The following GRM8 variants were observed in gnomAD, a reference collection of about 807,000 sequenced individuals.
The protein encoded by GRM8 is glutamate metabotropic receptor 8, also known as metabotropic glutamate receptor 8.
In GRM8, 47 loss-of-function variants were observed where a neutral mutation model predicts 87.2. The observed-to-expected ratio is 0.54, with a 90% CI of 0.43 to 0.69. The LOEUF (loss-of-function observed/expected upper bound fraction) is 0.69, where lower values mean the gene tolerates loss of function less well. Ranked by LOEUF, GRM8 falls within the 30% of genes least tolerant of loss-of-function variation. The probability of loss-of-function intolerance (pLI) is 0.00; values close to 1 mark genes in which losing one functional copy is unlikely to be tolerated. For missense variants in GRM8, 1,019 were observed against 1,139.2 expected (o/e 0.89, Z 1.52); for synonymous variants, 396 against 404.5 (o/e 0.98, Z 0.25).
intron 7 of GRM8, among the ~76,000 whole-genome samples, chr7:126,732,301 A>G (rs1330810448): frequency 6.6e-6 from 1 of 152,160 alleles, no homozygotes; most frequent in Non-Finnish European, 1.5e-5. Context: ...AGGCCCATTA[A>G]GAAATTATGT....
intron 6 of GRM8, among the ~76,000 whole-genome samples, chr7:126,871,724 A>C (rs1185320943): frequency 3.3e-5 from 5 of 152,198 alleles, no homozygotes; most frequent in African/African-American, 1.2e-4. Context: ...CCAATATATG[A>C]CCAAAGTAGA....
At chr7:126,471,866 T>C (rs892953516) in intron 9 of GRM8, among the ~76,000 whole-genome samples, 1 of 152,208 alleles carries the variant, frequency 6.6e-6, no homozygotes, top group African/African-American at 2.4e-5. Context: ...TTTTATTTCA[T>C]TGAACAGTGG....
chr7:126,586,920 C>A (rs963463645), intron 8 of GRM8, among the ~76,000 whole-genome samples: 7 of 151,968 alleles, frequency 4.6e-5, no homozygotes, highest in Non-Finnish European at 7.4e-5. Context: ...AAAATTTTTG[C>A]AATCTACTCA....
intron 3 of GRM8, among the ~76,000 whole-genome samples, chr7:127,001,309 CA>C (rs969926895): frequency 3.3e-5 from 5 of 151,122 alleles, no homozygotes; most frequent in Non-Finnish European, 7.4e-5. Context: ...GAAAACTTTG[CA>C]AAAAAACCCA....
intron 3 of GRM8, among the ~76,000 whole-genome samples, chr7:126,991,103 T>C (rs1271663239): frequency 6.6e-6 from 1 of 152,200 alleles, no homozygotes. Flanking sequence ...TTCTAATTAT[T>C]GTGATACAAA....
intron 3 of GRM8, among the ~76,000 whole-genome samples, chr7:127,022,229 T>A (rs1261155361): frequency 6.6e-6 from 1 of 151,946 alleles, no homozygotes; most frequent in South Asian, 2.1e-4. Context: ...GTGTGGTAAC[T>A]GTCTGAACTC....
In GRM8 at chr7:126,712,852, T is replaced by C. The variant is rs1585626850; in HGVS notation, c.1357+57013A>G. 2.0e-5 allele frequency among the ~76,000 whole-genome samples: 3 copies of C among 152,242 alleles called. No individual in the cohort carries two copies. The East Asian group carries it at 5.8e-4, about 29-fold the overall frequency. ...GAAACATGTGGGAAAAAAAAGCTCA[T>C]CATCACTTGTTGATAGAGAAATGCA... On this transcript the variant is annotated intron_variant, in intron 7 of 10. Coordinates refer to ENST00000339582, the MANE Select transcript of GRM8 (RefSeq NM_000845.3).
intron 7 of GRM8, among the ~76,000 whole-genome samples, chr7:126,753,580 T>C (rs2151550162): frequency 6.6e-6 from 1 of 152,032 alleles, no homozygotes; most frequent in Middle Eastern, 3.4e-3. Flanking sequence ...TGATTTAATA[T>C]GGTTAAATTT....
chr7:126,651,330 T>C (rs188518839), intron 7 of GRM8, among the ~76,000 whole-genome samples: 46 of 152,206 alleles, frequency 3.0e-4, no homozygotes, highest in African/African-American at 1.1e-3. Flanking sequence ...CAGAATGGCC[T>C]TTTGAAGTCA....
At chr7:126,600,175 T>C (rs1391721998) in intron 8 of GRM8, among the ~76,000 whole-genome samples, 1 of 152,192 alleles carries the variant, frequency 6.6e-6, no homozygotes, top group Admixed American at 6.6e-5. Context: ...TGTATAATTA[T>C]GCAATTATTG....
intron 7 of GRM8, among the ~76,000 whole-genome samples, chr7:126,613,130 C>T (rs143836562): frequency 6.6e-6 from 1 of 152,224 alleles, no homozygotes; most frequent in East Asian, 1.9e-4. Flanking sequence ...AAATGACTGC[C>T]ATGGAACTCT....
At chr7:126,633,845 A>G (rs1202922715) in intron 7 of GRM8, among the ~76,000 whole-genome samples, 2 of 151,970 alleles carry the variant, frequency 1.3e-5, no homozygotes, top group Non-Finnish European at 2.9e-5. Flanking sequence ...GTAAAAATTG[A>G]AAGAATTTAA....
At chr7:126,626,164 C>T (rs961119917) in intron 7 of GRM8, among the ~76,000 whole-genome samples, 8 of 148,324 alleles carry the variant, frequency 5.4e-5, no homozygotes, top group African/African-American at 2.0e-4. Context: ...ATTTGCTGTA[C>T]TAGGAAAAGG....
At chr7:126,493,803 C>A (rs1281713052) in intron 9 of GRM8, among the ~76,000 whole-genome samples, 1 of 152,014 alleles carries the variant, frequency 6.6e-6, no homozygotes, top group Non-Finnish European at 1.5e-5. Context: ...CTGTCTTTTA[C>A]CCAGACATCT....
intron 3 of GRM8, among the ~76,000 whole-genome samples, chr7:126,931,744 A>G (rs1005496364): frequency 6.6e-6 from 1 of 152,232 alleles, no homozygotes; most frequent in African/African-American, 2.4e-5. Context: ...TGAGTTACTA[A>G]TGAGTCCACT....
intron 2 of GRM8, among the ~76,000 whole-genome samples, chr7:127,166,253 A>C (rs1793444317): frequency 6.6e-6 from 1 of 151,874 alleles, no homozygotes; most frequent in Non-Finnish European, 1.5e-5. Context: ...ATTCCTCTTT[A>C]CCTCCTGCTT....
At chr7:126,463,493 T>G (rs1241572839) in intron 9 of GRM8, among the ~76,000 whole-genome samples, 2 of 151,636 alleles carry the variant, frequency 1.3e-5, no homozygotes, top group African/African-American at 4.8e-5. Context: ...TAATACGATG[T>G]TCTAACAAAG....
At chr7:126,859,197 G>A (rs565661579) in intron 6 of GRM8, among the ~76,000 whole-genome samples, 23 of 150,088 alleles carry the variant, frequency 1.5e-4, no homozygotes, top group South Asian at 2.1e-4. Flanking sequence ...GGTTCACCAC[G>A]ACAGGTCGAG....
At chr7:127,115,809 C>T (rs1268042388) in intron 2 of GRM8, among the ~76,000 whole-genome samples, 1 of 152,116 alleles carries the variant, frequency 6.6e-6, no homozygotes, top group Admixed American at 6.6e-5. Flanking sequence ...GATTTAAAAC[C>T]TTCACTTTCA....
Sources: gnomAD v4.1 joint callset for allele counts (sites outside exome capture counted in the v4.1 genomes callset) on GRCh38, gnomAD v4.1.1 for gene constraint, MANE v1.5 for transcripts, NCBI Gene and HGNC (gene_info 2026-07-23, HGNC 2026-07-21) for gene names.